CTNNA3: variants seen among roughly 807,000 people sequenced by gnomAD.
CTNNA3 encodes the protein catenin alpha 3.
A neutral mutation model predicts 95.7 loss-of-function variants in CTNNA3; 76 were observed. The observed-to-expected ratio is 0.79, with a 90% CI of 0.66 to 0.96. The LOEUF is 0.96. Among genes scored for constraint, CTNNA3 ranks in the 40% least tolerant of loss-of-function variants. CTNNA3 has a pLI of 0.00. For missense variants in CTNNA3, 1,191 were observed against 1,089.8 expected (o/e 1.09, Z -1.31); for synonymous variants, 431 against 374.4 (o/e 1.15, Z -1.74).
intron 12 of CTNNA3, among the ~76,000 whole-genome samples, chr10:66,332,229 C>A (rs2092339245): frequency 6.6e-6 from 1 of 151,900 alleles, no homozygotes; most frequent in Middle Eastern, 3.4e-3. Flanking sequence ...TAATTGAATA[C>A]CCTTTATTTC....
chr10:66,281,542 GACTTTAC>G lies in CTNNA3; in HGVS notation c.1733-928_1733-922del, dbSNP rs1361109485. 2.6e-5 allele frequency among the ~76,000 whole-genome samples: 4 copies of G among 151,784 alleles called. No individual in the cohort carries two copies. The Admixed American group carries it at 2.6e-4, about 10-fold the overall frequency. Reference sequence around the variant, plus strand: ...CAGAGTCCCAAAATGCAGTTTTTGGGACTTTACACTTTACACTCAAACTAATCTACTA... The same window carrying G: ...CAGAGTCCCAAAATGCAGTTTTTGGGACTTTACACTCAAACTAATCTACTA... On this transcript the variant is annotated intron_variant, in intron 12 of 17. Coordinates refer to ENST00000433211, the MANE Select transcript of CTNNA3 (RefSeq NM_013266.4).
intron 17 of CTNNA3, among the ~76,000 whole-genome samples, chr10:65,952,497 A>C (rs1038710266): frequency 3.4e-5 from 5 of 148,584 alleles, no homozygotes; most frequent in Non-Finnish European, 7.4e-5. Flanking sequence ...CTTCCACTTC[A>C]TACTTCTTCC....
intron 7 of CTNNA3, among the ~76,000 whole-genome samples, chr10:67,073,619 GA>G (rs1262860071): frequency 6.7e-6 from 1 of 149,216 alleles, no homozygotes; most frequent in African/African-American, 2.5e-5. Flanking sequence ...AAATAAAGAG[GA>G]AAAAAACGAG....
chr10:66,296,862 C>G (rs1478114059), intron 12 of CTNNA3, among the ~76,000 whole-genome samples: 1 of 152,024 alleles, frequency 6.6e-6, no homozygotes, highest in Non-Finnish European at 1.5e-5. Flanking sequence ...AAAAGTAGAA[C>G]TACTTAGGGG....
intron 5 of CTNNA3, among the ~76,000 whole-genome samples, chr10:67,519,376 A>T (rs1839914674): frequency 6.6e-6 from 1 of 152,210 alleles, no homozygotes; most frequent in African/African-American, 2.4e-5. Context: ...GTTTGTTTTA[A>T]AAAATGGATA....
chr10:67,684,107 C>A (rs1840682382), intron 1 of CTNNA3, among the ~76,000 whole-genome samples: 1 of 152,218 alleles, frequency 6.6e-6, no homozygotes, highest in South Asian at 2.1e-4. Flanking sequence ...TTGGCCCCAC[C>A]CACATCCTGC....
intron 2 of CTNNA3, among the ~76,000 whole-genome samples, chr10:67,612,574 G>T (rs1843495924): frequency 6.6e-6 from 1 of 152,144 alleles, no homozygotes; most frequent in African/African-American, 2.4e-5. Flanking sequence ...AGAAGGCCAA[G>T]AAATAGGTTT....
intron 13 of CTNNA3, among the ~76,000 whole-genome samples, chr10:66,125,402 C>T (rs1564673011): frequency 4.6e-5 from 7 of 151,746 alleles, no homozygotes; most frequent in Admixed American, 3.3e-4. Context: ...TGAAAGTGGA[C>T]CTAATTGTAA....
At chr10:66,094,393 A>C (rs937996835) in intron 14 of CTNNA3, among the ~76,000 whole-genome samples, 1 of 152,118 alleles carries the variant, frequency 6.6e-6, no homozygotes, top group Non-Finnish European at 1.5e-5. Flanking sequence ...AAGGGCTTTT[A>C]TGTATGATGA....
At chr10:66,625,589 A>G (rs1044557462) in intron 9 of CTNNA3, among the ~76,000 whole-genome samples, 2 of 152,004 alleles carry the variant, frequency 1.3e-5, no homozygotes, top group African/African-American at 4.8e-5. Flanking sequence ...GGGTTTCGCC[A>G]TGTTGGCTAA....
intron 7 of CTNNA3, among the ~76,000 whole-genome samples, chr10:66,818,509 A>G (rs1282883704): frequency 6.6e-6 from 1 of 152,216 alleles, no homozygotes; most frequent in Admixed American, 6.5e-5. Context: ...TTCCACGTAC[A>G]ATGGCATAAA....
intron 5 of CTNNA3, among the ~76,000 whole-genome samples, chr10:67,478,941 A>G (rs978696476): frequency 6.6e-6 from 1 of 152,140 alleles, no homozygotes. Context: ...ATGTAAACAG[A>G]AAACAAAAAA....
rs146906629 is a variant in CTNNA3 at position 66,662,851 on chromosome 10, T to C, written c.1282-41067A>G. On this transcript the variant is annotated intron_variant, in intron 9 of 17. Transcript: ENST00000433211. ...AAAGGAAGGAGAAAAATGCCTCCTTTGGTCTCATATCTACCTTCAAGTATA... is the reference window on the plus strand; with the variant it reads ...AAAGGAAGGAGAAAAATGCCTCCTTCGGTCTCATATCTACCTTCAAGTATA... 9.4e-3 allele frequency among the ~76,000 whole-genome samples: 1,433 copies of C among 152,204 alleles called. 20 individuals are homozygous for C. Among genetic ancestry groups the C allele is most frequent in the African/African-American group, 0.033 (1,359 of 41,534 alleles).
chr10:66,288,894 T>G (rs2132185043), intron 12 of CTNNA3, among the ~76,000 whole-genome samples: 1 of 152,222 alleles, frequency 6.6e-6, no homozygotes, highest in Non-Finnish European at 1.5e-5. Flanking sequence ...TTAGCTCCTA[T>G]CTAATGATAC....
chr10:66,994,883 A>G (rs896755581), intron 7 of CTNNA3, among the ~76,000 whole-genome samples: 3 of 152,196 alleles, frequency 2.0e-5, no homozygotes, highest in African/African-American at 7.2e-5. Context: ...TATGAAATGT[A>G]AAACTAGGAA....
chr10:67,740,889 G>C (rs1169717406), intron 1 of CTNNA3, among the ~76,000 whole-genome samples: 1 of 151,276 alleles, frequency 6.6e-6, no homozygotes, highest in Non-Finnish European at 1.5e-5. Flanking sequence ...ATTCACAATA[G>C]CAAAGACTTG....
intron 5 of CTNNA3, among the ~76,000 whole-genome samples, chr10:67,306,572 A>G (rs1448824540): frequency 6.6e-6 from 1 of 152,166 alleles, no homozygotes; most frequent in East Asian, 1.9e-4. Context: ...GTTGGAAAGA[A>G]GTTTTACAGA....
At chr10:67,607,999 G>C (rs969432203) in intron 2 of CTNNA3, among the ~76,000 whole-genome samples, 4 of 152,204 alleles carry the variant, frequency 2.6e-5, no homozygotes, top group African/African-American at 9.6e-5. Context: ...TTCAGTAAAT[G>C]TTTTGAGGAA....
chr10:66,233,060 T>C (rs1314521046), intron 13 of CTNNA3, among the ~76,000 whole-genome samples: 1 of 145,260 alleles, frequency 6.9e-6, no homozygotes, highest in Non-Finnish European at 1.5e-5. Flanking sequence ...CTGGGGAGGC[T>C]GAGGCAGGAG....
Sources: gnomAD v4.1 joint callset for allele counts (sites outside exome capture counted in the v4.1 genomes callset) on GRCh38, gnomAD v4.1.1 for gene constraint, MANE v1.5 for transcripts, NCBI Gene and HGNC (gene_info 2026-07-23, HGNC 2026-07-21) for gene names.